The following TRIM61 variants were observed in gnomAD, a reference collection of about 807,000 sequenced individuals.
TRIM61 encodes the protein tripartite motif containing 61.
In TRIM61, 1 loss-of-function variant was observed where a neutral mutation model predicts 14.2. That is an observed-to-expected ratio of 0.07 (90% CI 0.03 to 0.33). The LOEUF (loss-of-function observed/expected upper bound fraction) is 0.33, where lower values mean the gene tolerates loss of function less well. TRIM61 is among the 10% of genes least tolerant of loss of function. The pLI, the probability that TRIM61 is intolerant of heterozygous loss-of-function variation, is 0.99. For missense variants in TRIM61, 19 were observed against 202.2 expected, an observed-to-expected ratio of 0.09 and a Z score of 5.49; for synonymous variants, 8 against 71.6, an observed-to-expected ratio of 0.11 and a Z score of 4.49.
At chr4:164,977,134 T>G (rs1732499000) in intron 1 of TRIM61, among the ~76,000 whole-genome samples, 2 of 152,184 alleles carry the variant, frequency 1.3e-5, no homozygotes, top group Non-Finnish European at 2.9e-5. Flanking sequence ...TTCGTACCTG[T>G]AAGACCCTTG....
chr4:164,963,776 T>C (rs1175619615), intron 3 of TRIM61, among the ~76,000 whole-genome samples: 1 of 148,894 alleles, frequency 6.7e-6, no homozygotes, highest in Non-Finnish European at 1.5e-5. Flanking sequence ...TCACACAAAC[T>C]ACATTATCAG....
At chr4:164,955,887 G>GA (rs1731976263) in intron 3 of TRIM61, among the ~76,000 whole-genome samples, 1 of 152,042 alleles carries the variant, frequency 6.6e-6, no homozygotes, top group Non-Finnish European at 1.5e-5. Context: ...GTAGAGGATG[G>GA]AAAATCGATT....
At chr4:164,964,486 A>G (rs961370419) in intron 3 of TRIM61, among the ~76,000 whole-genome samples, 13 of 152,258 alleles carry the variant, frequency 8.5e-5, no homozygotes, top group Non-Finnish European at 1.8e-4. Context: ...AAAAATCAAC[A>G]AAACCAAAGC....
At position 164,954,690 on chromosome 4, in the gene TRIM61, AT is replaced by A. The variant is rs1731940917; in HGVS notation, c.*94del. The A allele has an allele frequency of 6.5e-6, 1 of 153,006 alleles. No homozygotes were observed. The highest frequency in any genetic ancestry group is 1.5e-5 in the Non-Finnish European group (1 of 68,526). 9.5% of individuals were successfully genotyped at this position (153,006 alleles called of 1,614,324 possible). ...CCTACACATGGTTGGCAGCATGGCT[AT>A]AATCCCAGCACTTTGGGAGGTCAAG... On this transcript the variant is annotated 3_prime_UTR_variant, in exon 5 of 5. Coordinates refer to ENST00000329314, the MANE Select transcript of TRIM61 (RefSeq NM_001012414.3).
At chr4:164,955,523 C>T (rs1315198217) in intron 3 of TRIM61, among the ~76,000 whole-genome samples, 2 of 135,596 alleles carry the variant, frequency 1.5e-5, no homozygotes, top group African/African-American at 2.8e-5. Context: ...GAGCTACGAA[C>T]TTGCCACTGC....
intron 3 of TRIM61, among the ~76,000 whole-genome samples, chr4:164,961,153 CAAA>C (rs762554625): frequency 1.6e-4 from 5 of 31,716 alleles, no homozygotes; most frequent in African/African-American, 2.1e-4. Flanking sequence ...AACTCTCAGG[CAAA>C]AAAAAAAAAA....
chr4:164,974,696 A>G (rs557620645), intron 2 of TRIM61, among the ~76,000 whole-genome samples: 1 of 152,282 alleles, frequency 6.6e-6, no homozygotes, highest in South Asian at 2.1e-4. Context: ...CCTGAGCAAC[A>G]TGGCAAAATC....
intron 3 of TRIM61, among the ~76,000 whole-genome samples, chr4:164,966,853 G>C (rs920348125): frequency 5.3e-5 from 8 of 152,154 alleles, no homozygotes; most frequent in Non-Finnish European, 1.2e-4. Context: ...CTTGGACCCA[G>C]GAGGCGGAGG....
chr4:164,957,395 A>G, intron 3 of TRIM61: 2 of 1,614,088 alleles, frequency 1.2e-6, no homozygotes, highest in East Asian at 2.2e-5. Flanking sequence ...AGGAAAAGTC[A>G]GGAAGAGAAC....
chr4:164,963,650 G>A (rs1259964287), intron 3 of TRIM61, among the ~76,000 whole-genome samples: 2 of 151,776 alleles, frequency 1.3e-5, no homozygotes, highest in Non-Finnish European at 2.9e-5. Flanking sequence ...AGGCTGAGAT[G>A]GGAGAATCGC....
chr4:164,956,865 G>C, intron 3 of TRIM61: 1 of 726,336 alleles, frequency 1.4e-6, no homozygotes. Flanking sequence ...GCACTGCAGC[G>C]TTTCTCCCAG....
At chr4:164,962,281 T>C (rs1332858630) in intron 3 of TRIM61, among the ~76,000 whole-genome samples, 1 of 149,880 alleles carries the variant, frequency 6.7e-6, no homozygotes, top group East Asian at 2.0e-4. Flanking sequence ...AGTGCAGTGG[T>C]GCGATCTTGG....
intron 3 of TRIM61, chr4:164,968,346 A>G (rs564633935): frequency 5.3e-5 from 51 of 967,852 alleles, no homozygotes; most frequent in Non-Finnish European, 6.1e-5. Flanking sequence ...TACATAATAC[A>G]TTTCTTCAGT....
intron 3 of TRIM61, among the ~76,000 whole-genome samples, chr4:164,964,880 A>C (rs1233246903): frequency 1.3e-5 from 2 of 152,238 alleles, no homozygotes; most frequent in African/African-American, 4.8e-5. Context: ...AGATCCTCGA[A>C]TATATCAGTT....
chr4:164,969,209 G>T, intron 3 of TRIM61: 1 of 1,295,292 alleles, frequency 7.7e-7, no homozygotes. Flanking sequence ...AAACAGCTCA[G>T]GGAATTTTAA....
At chr4:164,967,911 G>A (rs2111144555) in intron 3 of TRIM61, among the ~76,000 whole-genome samples, 1 of 152,222 alleles carries the variant, frequency 6.6e-6, no homozygotes, top group East Asian at 1.9e-4. Flanking sequence ...CAGCACTTTG[G>A]GAGGCCGAGG....
At chr4:164,967,126 A>C (rs1732260033) in intron 3 of TRIM61, among the ~76,000 whole-genome samples, 1 of 152,200 alleles carries the variant, frequency 6.6e-6, no homozygotes, top group Non-Finnish European at 1.5e-5. Context: ...CTAGTAATGA[A>C]CAACTAGAAT....
chr4:164,964,952 A>G (rs1451581614), intron 3 of TRIM61, among the ~76,000 whole-genome samples: 3 of 152,156 alleles, frequency 2.0e-5, no homozygotes, highest in Non-Finnish European at 4.4e-5. Context: ...ATGTCTACTA[A>G]TTATTGTAAT....
intron 3 of TRIM61, among the ~76,000 whole-genome samples, chr4:164,967,903 G>A (rs1016313322): frequency 1.3e-5 from 2 of 152,110 alleles, no homozygotes; most frequent in African/African-American, 4.8e-5. Flanking sequence ...TGTAATCCCA[G>A]CACTTTGGGA....
Sources: gnomAD v4.1 joint callset for allele counts (sites outside exome capture counted in the v4.1 genomes callset) on GRCh38, gnomAD v4.1.1 for gene constraint, MANE v1.5 for transcripts, NCBI Gene and HGNC (gene_info 2026-07-23, HGNC 2026-07-21) for gene names.